KLHL13: variants seen among roughly 807,000 people sequenced by gnomAD.
KLHL13 encodes the protein kelch-like protein 13.
In KLHL13, 10 loss-of-function variants were observed where a neutral mutation model predicts 37.1. The observed-to-expected ratio is 0.27, with a 90% CI of 0.17 to 0.46. The LOEUF is 0.46. Among genes scored for constraint, KLHL13 ranks in the 20% least tolerant of loss-of-function variants. KLHL13 has a pLI of 1.00. For synonymous variants in KLHL13, 163 were observed against 181.2 expected (o/e 0.90, Z 0.81); for missense variants, 360 against 509.3 (o/e 0.71, Z 2.82).
chrX:118,097,275 T>C (rs777395036), intron 1 of KLHL13, among the ~76,000 whole-genome samples: 1 of 109,930 alleles, frequency 9.1e-6, no homozygotes, highest in African/African-American at 3.4e-5. Flanking sequence ...AGCATTCTTA[T>C]ACACCTATAA....
intron 1 of KLHL13, among the ~76,000 whole-genome samples, chrX:118,040,002 T>G (rs1358261189): frequency 9.0e-6 from 1 of 111,340 alleles, no homozygotes; most frequent in Non-Finnish European, 1.9e-5. Flanking sequence ...CAAGGCAGTA[T>G]CTCCAAGAGT....
At chrX:118,083,429 CA>C (rs200662783) in intron 1 of KLHL13, among the ~76,000 whole-genome samples, 1 of 111,657 alleles carries the variant, frequency 9.0e-6, no homozygotes, top group Non-Finnish European at 1.9e-5. Flanking sequence ...TCATTTGTGA[CA>C]AAATTGATGA....
chrX:118,085,783 A>T (rs1330975240), intron 1 of KLHL13, among the ~76,000 whole-genome samples: 1 of 101,713 alleles, frequency 9.8e-6, no homozygotes, highest in Admixed American at 1.1e-4. Context: ...TTTATGGCAG[A>T]GTAATATTCC....
exon 5 of KLHL13, chrX:117,909,432 A>C: frequency 8.3e-7 from 1 of 1,211,646 alleles, no homozygotes. Context: ...ATCAAATCTG[A>C]AGACTGTATC....
intron 1 of KLHL13, among the ~76,000 whole-genome samples, chrX:117,959,087 T>TAAAA (rs36059732): frequency 1.0e-4 from 11 of 109,752 alleles, no homozygotes; most frequent in African/African-American, 3.7e-4. Flanking sequence ...GCACATCATT[T>TAAAA]AAAAAAAACA....
intron 1 of KLHL13, among the ~76,000 whole-genome samples, chrX:117,988,282 T>A (rs1348534211): frequency 8.9e-6 from 1 of 112,252 alleles, no homozygotes; most frequent in African/African-American, 3.2e-5. Context: ...GTGATTATGA[T>A]GACAGGATCA....
chrX:117,966,398 G>T (rs377342346), intron 1 of KLHL13, among the ~76,000 whole-genome samples: 2 of 110,265 alleles, frequency 1.8e-5, no homozygotes, highest in East Asian at 2.8e-4. Context: ...CACTGCTCAA[G>T]GAAATAAAAG....
At chrX:118,072,438 C>G (rs769104999) in intron 1 of KLHL13, among the ~76,000 whole-genome samples, 3 of 97,253 alleles carry the variant, frequency 3.1e-5, no homozygotes, top group South Asian at 4.6e-4. Flanking sequence ...TTCATGTCTA[C>G]AACACCAAAA....
chrX:118,102,133 T>G (rs1412516713), intron 1 of KLHL13, among the ~76,000 whole-genome samples: 1 of 111,392 alleles, frequency 9.0e-6, no homozygotes, highest in African/African-American at 3.3e-5. Flanking sequence ...ATGATGGACT[T>G]GTATACTCTG....
chrX:117,905,153 G>A (rs973801438), intron 5 of KLHL13, among the ~76,000 whole-genome samples: 1 of 111,068 alleles, frequency 9.0e-6, no homozygotes, highest in African/African-American at 3.3e-5. Context: ...GGGGGGTATA[G>A]AGGCATTTAA....
intron 1 of KLHL13, among the ~76,000 whole-genome samples, chrX:118,069,109 TCA>T (rs771534683): frequency 0.055 from 4,568 of 83,477 alleles, 195 homozygotes; most frequent in African/African-American, 0.15. Context: ...TCCAGAAGAG[TCA>T]CACACACACA....
At chrX:117,940,947 C>T (rs982866283) in intron 2 of KLHL13, among the ~76,000 whole-genome samples, 5 of 111,708 alleles carry the variant, frequency 4.5e-5, no homozygotes, top group African/African-American at 1.6e-4. Flanking sequence ...CTTTCTCTTG[C>T]CTGATTGCCC....
exon 7 of KLHL13, chrX:117,898,877 G>T (rs377151140): frequency 8.6e-5 from 100 of 1,166,358 alleles, no homozygotes; most frequent in Middle Eastern, 4.8e-4. Context: ...TGCAAAGATA[G>T]AACTACAGCA....
intron 2 of KLHL13, among the ~76,000 whole-genome samples, chrX:117,938,395 T>C (rs767049653): frequency 5.6e-4 from 62 of 111,536 alleles, no homozygotes; most frequent in South Asian, 3.4e-3. Flanking sequence ...TCTAGAACAA[T>C]GGTCTTAAAA....
intron 1 of KLHL13, among the ~76,000 whole-genome samples, chrX:118,028,707 T>C (rs755212898): frequency 1.9e-4 from 21 of 112,424 alleles, no homozygotes; most frequent in African/African-American, 5.8e-4. Flanking sequence ...TGAAATTTAA[T>C]AGTGAATCAC....
At chrX:117,904,633 T>C (rs1437107716) in intron 5 of KLHL13, among the ~76,000 whole-genome samples, 1 of 112,328 alleles carries the variant, frequency 8.9e-6, no homozygotes. Flanking sequence ...CAAGACTATT[T>C]TGTAACTTAT....
chrX:117,942,719 G>T (rs1009674210), intron 2 of KLHL13, among the ~76,000 whole-genome samples: 25 of 111,160 alleles, frequency 2.2e-4, no homozygotes, highest in Non-Finnish European at 4.5e-4. Flanking sequence ...GAGCCTATGT[G>T]TGTCTTTGCA....
chrX:117,943,312 G>A (rs1391431481), intron 2 of KLHL13, among the ~76,000 whole-genome samples: 1 of 110,904 alleles, frequency 9.0e-6, no homozygotes, highest in Non-Finnish European at 1.9e-5. Context: ...TTTTGGGGTT[G>A]CTCTTCTTGA....
At chrX:118,008,405 G>A (rs1005457979) in intron 1 of KLHL13, among the ~76,000 whole-genome samples, 4 of 111,701 alleles carry the variant, frequency 3.6e-5, no homozygotes, top group African/African-American at 1.3e-4. Context: ...AACGCCATAG[G>A]TGGCTATTAC....
Sources: allele counts gnomAD v4.1 joint callset (sites outside exome capture counted in the v4.1 genomes callset), GRCh38; gene constraint gnomAD v4.1.1; transcripts MANE v1.5; gene names NCBI Gene and HGNC (gene_info 2026-07-23, HGNC 2026-07-21).